GLIS3: variants seen among roughly 807,000 people sequenced by gnomAD.
GLIS3 encodes the protein zinc finger protein GLIS3.
GLIS3 carries 53 observed loss-of-function variants against 78.6 expected under a neutral mutation model. That is an observed-to-expected ratio of 0.67 (90% CI 0.54 to 0.85). The LOEUF is 0.85. GLIS3 is among the 40% of genes least tolerant of loss of function. The pLI, the probability that GLIS3 is intolerant of heterozygous loss-of-function variation, is 0.00. For missense variants in GLIS3, 1,703 were observed against 1,231.1 expected (o/e 1.38, Z -5.74); for synonymous variants, 684 against 509.9 (o/e 1.34, Z -4.60).
At chr9:4,357,195 G>T in the GLIS3 span, among the ~76,000 whole-genome samples, 1 of 152,168 alleles carries the variant, frequency 6.6e-6, no homozygotes, top group Non-Finnish European at 1.5e-5. Flanking sequence ...GTTACAAGGT[G>T]CCCAGAAGTT....
chr9:4,028,594 A>T (rs1318146447), intron 4 of GLIS3, among the ~76,000 whole-genome samples: 1 of 152,210 alleles, frequency 6.6e-6, no homozygotes, highest in East Asian at 1.9e-4. Context: ...GCCTAGATCA[A>T]AAAACAAAAC....
At chr9:4,249,453 T>C in intron 2 of GLIS3, among the ~76,000 whole-genome samples, 1 of 152,234 alleles carries the variant, frequency 6.6e-6, no homozygotes, top group East Asian at 1.9e-4. Flanking sequence ...GCTTGTGATT[T>C]CTGCACATTG....
At chr9:4,293,605 A>G (rs968155119) in intron 1 of GLIS3, among the ~76,000 whole-genome samples, 1 of 152,230 alleles carries the variant, frequency 6.6e-6, no homozygotes, top group Non-Finnish European at 1.5e-5. Context: ...CCATTTCTTC[A>G]CACACAAGAA....
intron 4 of GLIS3, among the ~76,000 whole-genome samples, chr9:4,059,498 C>G (rs886828917): frequency 2.2e-4 from 34 of 152,298 alleles, no homozygotes; most frequent in Admixed American, 1.3e-3. Flanking sequence ...TGTGGAAAAA[C>G]CACAAATACC....
the GLIS3 span, among the ~76,000 whole-genome samples, chr9:4,475,528 T>C: frequency 1.3e-5 from 2 of 152,200 alleles, no homozygotes; most frequent in Admixed American, 6.5e-5. Context: ...AAATAAACTA[T>C]GGATACACCC....
At chr9:4,489,140 T>C in the GLIS3 span, among the ~76,000 whole-genome samples, 1 of 152,160 alleles carries the variant, frequency 6.6e-6, no homozygotes, top group South Asian at 2.1e-4. Context: ...GTCCTGAGAT[T>C]ACAGGCAAGA....
intron 2 of GLIS3, among the ~76,000 whole-genome samples, chr9:4,156,481 G>C (rs1009881817): frequency 2.6e-5 from 4 of 152,214 alleles, no homozygotes; most frequent in Non-Finnish European, 4.4e-5. Context: ...AAGTATTACA[G>C]ACAGAATGTG....
At chr9:4,377,103 T>C in the GLIS3 span, among the ~76,000 whole-genome samples, 1 of 135,088 alleles carries the variant, frequency 7.4e-6, no homozygotes, top group Admixed American at 7.4e-5. Context: ...TCAAATTGAT[T>C]GAAGGATGCC....
At chr9:3,915,740 G>C (rs1284090920) in intron 6 of GLIS3, among the ~76,000 whole-genome samples, 1 of 152,166 alleles carries the variant, frequency 6.6e-6, no homozygotes, top group Non-Finnish European at 1.5e-5. Flanking sequence ...TTCACATTCT[G>C]ACATGGCAGG....
chr9:4,021,072 A>G (rs1822845907), intron 4 of GLIS3, among the ~76,000 whole-genome samples: 1 of 152,216 alleles, frequency 6.6e-6, no homozygotes, highest in Admixed American at 6.5e-5. Context: ...TCCCTCAAAG[A>G]GCTCAGAAAG....
chr9:3,901,843 A>G (rs999709938), intron 6 of GLIS3, among the ~76,000 whole-genome samples: 2 of 152,206 alleles, frequency 1.3e-5, no homozygotes, highest in Non-Finnish European at 2.9e-5. Context: ...TTTTTGTACT[A>G]ACCTAATACA....
chr9:4,265,163 C>G (rs758615318), intron 2 of GLIS3, among the ~76,000 whole-genome samples: 1 of 134,332 alleles, frequency 7.4e-6, no homozygotes, highest in East Asian at 2.2e-4. Context: ...CAGAGTGAGA[C>G]GCCGTCTCAA....
chr9:4,300,074 C>T (rs1002011890), upstream of GLIS3, among the ~76,000 whole-genome samples: 4 of 148,550 alleles, frequency 2.7e-5, no homozygotes, highest in African/African-American at 5.0e-5. Flanking sequence ...TGTGTGCGGC[C>T]GCGAGGGCCG....
At chr9:4,226,705 T>C (rs1316194077) in intron 2 of GLIS3, among the ~76,000 whole-genome samples, 1 of 152,218 alleles carries the variant, frequency 6.6e-6, no homozygotes, top group Non-Finnish European at 1.5e-5. Context: ...TGTGTGACCT[T>C]AGGCAAGTTA....
chr9:4,287,671 G>C (rs1260524102), intron 1 of GLIS3, among the ~76,000 whole-genome samples: 2 of 152,012 alleles, frequency 1.3e-5, no homozygotes, highest in African/African-American at 4.8e-5. Context: ...TAATTTTTGT[G>C]TATGATCCAC....
At position 3,827,946 on chromosome 9, in the gene GLIS3, A is replaced by G; in HGVS notation, c.*326T>C. 1.3e-5 allele frequency: 5 copies of G among 375,004 alleles called. No individual in the cohort carries two copies. The highest frequency in any genetic ancestry group is 1.2e-4 in the South Asian group (5 of 42,268). 23.2% of individuals were successfully genotyped at this position (375,004 alleles called of 1,614,324 possible). On this transcript the variant is annotated 3_prime_UTR_variant, in exon 11 of 11. Transcript: ENST00000381971. ...AGTCATCCCCAAACTACATTTTCATATGCACATCATTTCACTGGGGTCCTT... is the reference window on the plus strand; with the variant it reads ...AGTCATCCCCAAACTACATTTTCATGTGCACATCATTTCACTGGGGTCCTT...
At chr9:3,838,241 A>G (rs1046703754) in intron 9 of GLIS3, among the ~76,000 whole-genome samples, 1 of 152,198 alleles carries the variant, frequency 6.6e-6, no homozygotes, top group Non-Finnish European at 1.5e-5. Context: ...TTGTTGACTG[A>G]ATAAATGTAA....
chr9:4,338,434 T>C (rs1817787138), intron 2 of GLIS3, among the ~76,000 whole-genome samples: 1 of 151,964 alleles, frequency 6.6e-6, no homozygotes, highest in African/African-American at 2.4e-5. Flanking sequence ...GCTCCCTGGA[T>C]TATTCTTATT....
At chr9:3,870,560 C>T (rs1341919595) in intron 8 of GLIS3, among the ~76,000 whole-genome samples, 2 of 152,176 alleles carry the variant, frequency 1.3e-5, no homozygotes, top group East Asian at 1.9e-4. Context: ...TAAGGAGGAG[C>T]AAGTCCCATC....
Sources: allele counts gnomAD v4.1 joint callset (sites outside exome capture counted in the v4.1 genomes callset), GRCh38; gene constraint gnomAD v4.1.1; transcripts MANE v1.5; gene names NCBI Gene and HGNC (gene_info 2026-07-23, HGNC 2026-07-21).